Variants in KDM4C observed in about 807,000 individuals in gnomAD.
The protein encoded by KDM4C is lysine-specific demethylase 4C.
KDM4C carries 81 observed loss-of-function variants against 129.3 expected under a neutral mutation model. The observed-to-expected ratio is 0.63, with a 90% CI of 0.52 to 0.75. KDM4C has a LOEUF of 0.75. KDM4C is among the 30% of genes least tolerant of loss of function. KDM4C has a pLI of 0.00. For synonymous variants in KDM4C, 573 were observed against 456.1 expected (o/e 1.26, Z -3.26); for missense variants, 1,457 against 1,304.0 (o/e 1.12, Z -1.81).
intron 17 of KDM4C, among the ~76,000 whole-genome samples, chr9:7,077,829 A>G (rs767122579): frequency 7.9e-5 from 12 of 152,212 alleles, no homozygotes; most frequent in Non-Finnish European, 1.6e-4. Context: ...TAATTTCTGT[A>G]TATTTGTCAA....
At chr9:6,828,273 G>T (rs532090668) in intron 4 of KDM4C, among the ~76,000 whole-genome samples, 1 of 151,824 alleles carries the variant, frequency 6.6e-6, no homozygotes, top group Non-Finnish European at 1.5e-5. Context: ...TCAGCCTCCC[G>T]AATAGCTGGG....
rs1287081751 is a variant in KDM4C, at chr9:6,758,044, C to T, written c.-177C>T. On this transcript the variant is annotated 5_prime_UTR_variant, in exon 1 of 22. Coordinates refer to ENST00000381309, the MANE Select transcript of KDM4C (RefSeq NM_015061.6). The surrounding 1 kb of genome is among the most constrained non-coding windows in gnomAD (Gnocchi z 4.6). The stretch of plus-strand genomic sequence containing the variant: ...CTCGACGGGAGGGTGAGGCGCGGCG[C>T]AGTGATCGGGCGGCCGGGGTCCTGT... 2.0e-6 allele frequency: 2 copies of T among 985,334 alleles called. No individual in the cohort carries two copies. The highest frequency in any genetic ancestry group is 3.5e-5 in the African/African-American group (2 of 57,248). 61.0% of individuals were successfully genotyped at this position (985,334 alleles called of 1,614,324 possible).
intron 15 of KDM4C, among the ~76,000 whole-genome samples, chr9:7,031,495 A>G (rs1826762821): frequency 6.6e-6 from 1 of 152,064 alleles, no homozygotes; most frequent in Non-Finnish European, 1.5e-5. Flanking sequence ...AATTAGATAT[A>G]AGCAAACTAT....
intron 5 of KDM4C, among the ~76,000 whole-genome samples, chr9:6,850,545 A>T (rs1354146022): frequency 1.3e-5 from 2 of 151,770 alleles, no homozygotes; most frequent in Non-Finnish European, 2.9e-5. Context: ...TCCTGGGTTC[A>T]AGCAATTCTG....
intron 18 of KDM4C, among the ~76,000 whole-genome samples, chr9:7,107,495 A>AG (rs1214467490): frequency 6.6e-6 from 1 of 152,236 alleles, no homozygotes; most frequent in East Asian, 1.9e-4. Flanking sequence ...TTTCCTGGCA[A>AG]GTTACTTAGT....
chr9:6,876,820 T>G (rs565086795), intron 5 of KDM4C, among the ~76,000 whole-genome samples: 6 of 152,278 alleles, frequency 3.9e-5, no homozygotes, highest in Non-Finnish European at 8.8e-5. Context: ...AAGTGCTATG[T>G]GAAGCTTTTG....
chr9:6,779,716 G>C (rs1029238485), intron 1 of KDM4C, among the ~76,000 whole-genome samples: 2 of 152,310 alleles, frequency 1.3e-5, no homozygotes, highest in African/African-American at 2.4e-5. Flanking sequence ...TTCTGCTTAA[G>C]TTAACCAGAG....
At position 6,831,811 on chromosome 9, in the gene KDM4C, C is replaced by T. The variant is rs556039348; in HGVS notation, c.435+17066C>T. Among the ~76,000 whole-genome samples the T allele has an allele frequency of 1.1e-4, 17 of 152,174 alleles. No individual in the cohort carries two copies. In the East Asian group the frequency reaches 1.5e-3, roughly 14 times the overall value. On this transcript the variant is annotated intron_variant, in intron 4 of 21. Coordinates refer to ENST00000381309, the MANE Select transcript of KDM4C (RefSeq NM_015061.6). ...TCTGGAAGCTCTACTCAGTGATGACCGCTGACCTTTCGTTGGCCAGAAAGA... is the reference window on the plus strand; with the variant it reads ...TCTGGAAGCTCTACTCAGTGATGACTGCTGACCTTTCGTTGGCCAGAAAGA...
chr9:6,850,651 T>G (rs1838673107), intron 5 of KDM4C, among the ~76,000 whole-genome samples: 1 of 151,532 alleles, frequency 6.6e-6, no homozygotes, highest in East Asian at 1.9e-4. Context: ...AGGCTGGTCT[T>G]GAACTCCTGA....
At chr9:6,733,490 G>T (rs558779626) in intron 1 of KDM4C, among the ~76,000 whole-genome samples, 15 of 152,322 alleles carry the variant, frequency 9.8e-5, no homozygotes, top group Admixed American at 8.5e-4. Context: ...TCTGGACCCT[G>T]TCTCAGGGCC....
In KDM4C at chr9:6,984,255, A is replaced by G; in HGVS notation, c.1205A>G (p.Asn402Ser). ...SDEVDGAEVP[N>S]PDSVTDDLKV... The stretch of plus-strand genomic sequence containing the variant: ...GAAGTCGATGGGGCAGAGGTCCCTA[A>G]CCCCGACTCAGTCACAGATGACCTC... Residue 402 changes from asparagine to serine, a missense_variant, in exon 10 of 22, where the codon AAC (asparagine) becomes AGC (serine). Asn to Ser is a conservative substitution (Grantham distance 46, BLOSUM62 1). Coordinates refer to ENST00000381309, the MANE Select transcript of KDM4C (RefSeq NM_015061.6). 1 of 1,614,004 alleles carries G rather than the reference A, an allele frequency of 6.2e-7. No homozygotes were observed. Among genetic ancestry groups the G allele is most frequent in the South Asian group, 1.1e-5 (1 of 91,082 alleles).
chr9:6,880,737 G>C (rs961390162), intron 6 of KDM4C, among the ~76,000 whole-genome samples: 5 of 152,094 alleles, frequency 3.3e-5, no homozygotes, highest in African/African-American at 9.7e-5. Context: ...ATGATCCTGT[G>C]CCTGCTTTTG....
At position 7,016,317 on chromosome 9, in the gene KDM4C, C is replaced by T. The variant is rs200341786; in HGVS notation, c.2259+388C>T. Among the ~76,000 whole-genome samples the T allele has an allele frequency of 3.3e-5, 5 of 150,968 alleles. No individual in the cohort carries two copies. In the East Asian group the frequency reaches 5.9e-4, roughly 18 times the overall value. ...TAATTTTTTGTATTTTTAGTAGAGACGGGGTTTCAACGTGTTAACCAGGAT... is the reference window on the plus strand; with the variant it reads ...TAATTTTTTGTATTTTTAGTAGAGATGGGGTTTCAACGTGTTAACCAGGAT... On this transcript the variant is annotated intron_variant, in intron 15 of 21. Coordinates refer to ENST00000381309, the MANE Select transcript of KDM4C (RefSeq NM_015061.6).
intron 9 of KDM4C, 69 bp from the exon 10 acceptor site, chr9:6,984,093 CATTT>C: frequency 1.1e-6 from 1 of 900,618 alleles, no homozygotes; most frequent in East Asian, 2.5e-5. Flanking sequence ...GTGAAAATGA[CATTT>C]ATATTGGGAT....
At chr9:6,921,549 T>C (rs1340552273) in intron 8 of KDM4C, among the ~76,000 whole-genome samples, 1 of 152,214 alleles carries the variant, frequency 6.6e-6, no homozygotes, top group Non-Finnish European at 1.5e-5. Flanking sequence ...CACTCACCAC[T>C]ATTACTCTGG....
Position 7,123,457 on chromosome 9 carries a change from C to G in KDM4C, c.2611-4609C>G, listed in dbSNP as rs182229876. On this transcript the variant is annotated intron_variant, in intron 18 of 21. Transcript: ENST00000381309. The stretch of plus-strand genomic sequence containing the variant: ...CAGTGCCCCTTTGCTTCTCTTTGCC[C>G]TTTTCTGGACAGGAGCAGATAGAAT... Among the ~76,000 whole-genome samples, 777 of 152,290 alleles carry G rather than the reference C, an allele frequency of 5.1e-3. 4 individuals carry two copies. Among genetic ancestry groups the G allele is most frequent in the African/African-American group, 0.018 (738 of 41,560 alleles).
chr9:7,088,062 G>A (rs1294899566), intron 17 of KDM4C, among the ~76,000 whole-genome samples: 4 of 152,186 alleles, frequency 2.6e-5, no homozygotes, highest in African/African-American at 4.8e-5. Context: ...ACTTCTGGTG[G>A]CGGGGCAGAG....
At chr9:6,792,222 A>G (rs1826793514) in intron 1 of KDM4C, among the ~76,000 whole-genome samples, 1 of 151,812 alleles carries the variant, frequency 6.6e-6, no homozygotes, top group Admixed American at 6.6e-5. Context: ...GGGTGCCTGT[A>G]ATCCCAGCTA....
At chr9:7,002,963 T>C (rs969605769) in intron 12 of KDM4C, among the ~76,000 whole-genome samples, 8 of 152,198 alleles carry the variant, frequency 5.3e-5, no homozygotes, top group Non-Finnish European at 1.0e-4. Context: ...CAGGTTCAAG[T>C]GATTCTCCTG....
Sources: gnomAD v4.1 joint callset for allele counts (sites outside exome capture counted in the v4.1 genomes callset) on GRCh38, gnomAD v4.1.1 for gene constraint, Gnocchi (gnomAD v3.1) non-coding constraint, MANE v1.5 for transcripts, NCBI Gene and HGNC (gene_info 2026-07-23, HGNC 2026-07-21) for gene names.